Variants in RAPH1 observed in about 807,000 individuals in gnomAD.
RAPH1 encodes the protein Ras association (RalGDS/AF-6) and pleckstrin homology domains 1.
RAPH1 carries 18 observed loss-of-function variants against 88.1 expected under a neutral mutation model. That is an observed-to-expected ratio of 0.20 (90% confidence interval 0.14 to 0.30). The LOEUF (loss-of-function observed/expected upper bound fraction) is 0.30, where lower values mean the gene tolerates loss of function less well. Ranked by LOEUF, RAPH1 falls within the 10% of genes least tolerant of loss-of-function variation. The pLI is 1.00. For synonymous variants in RAPH1, 587 were observed against 559.0 expected (o/e 1.05, Z -0.71); for missense variants, 1,448 against 1,543.2 (o/e 0.94, Z 1.03).
chr2:203,518,247 G>A (rs1394749007), intron 1 of RAPH1, among the ~76,000 whole-genome samples: 1 of 152,138 alleles, frequency 6.6e-6, no homozygotes, highest in Non-Finnish European at 1.5e-5. Context: ...TGGGCACAGT[G>A]GTGCACACTT....
intron 2 of RAPH1, among the ~76,000 whole-genome samples, chr2:203,493,986 A>G (rs1461168708): frequency 3.3e-5 from 5 of 150,254 alleles, no homozygotes; most frequent in South Asian, 2.1e-4. Flanking sequence ...AAAAAAAAAA[A>G]AAAAAAAAAA....
At chr2:203,512,098 T>C (rs563284942) in intron 1 of RAPH1, among the ~76,000 whole-genome samples, 40 of 149,806 alleles carry the variant, frequency 2.7e-4, no homozygotes, top group African/African-American at 9.8e-4. Context: ...GGTGACAGAG[T>C]GAGACTCCGT....
chr2:203,525,470 A>G (rs1690072886), intron 1 of RAPH1, among the ~76,000 whole-genome samples: 1 of 152,058 alleles, frequency 6.6e-6, no homozygotes, highest in Non-Finnish European at 1.5e-5. Flanking sequence ...GGTGTGAGCC[A>G]CCATGCCTGG....
chr2:203,470,283 G>T, intron 4 of RAPH1: 1 of 1,612,318 alleles, frequency 6.2e-7, no homozygotes, highest in Non-Finnish European at 8.5e-7. Flanking sequence ...TTTCTCAGAA[G>T]AAGGGAGGTT....
rs150007963 is a variant in RAPH1, at chr2:203,502,995, C to T, written c.1-7642G>A. ...TCTCTACTAAAAATACAAAAATTAGCTGGATGTAGTGGCTGGCAGGCACCT... is the reference window on the plus strand; with the variant it reads ...TCTCTACTAAAAATACAAAAATTAGTTGGATGTAGTGGCTGGCAGGCACCT... On this transcript the variant is annotated intron_variant, in intron 1 of 13. Transcript: ENST00000319170. 8.6e-3 allele frequency among the ~76,000 whole-genome samples: 1,297 copies of T among 151,516 alleles called. 14 individuals are homozygous for T. The highest frequency in any genetic ancestry group is 0.03 in the African/African-American group (1,250 of 41,278).
intron 4 of RAPH1, among the ~76,000 whole-genome samples, chr2:203,469,749 G>A (rs1295349434): frequency 6.6e-6 from 1 of 151,940 alleles, no homozygotes; most frequent in African/African-American, 2.4e-5. Context: ...GCAGAGAACC[G>A]GGCAATTAAA....
intron 1 of RAPH1, among the ~76,000 whole-genome samples, chr2:203,505,754 A>G (rs1411286144): frequency 6.6e-6 from 1 of 152,234 alleles, no homozygotes; most frequent in Non-Finnish European, 1.5e-5. Context: ...GCTGTGAGAC[A>G]GTAAATTTCT....
chr2:203,459,845 T>C, intron 7 of RAPH1, 62 bp downstream of exon 7: 2 of 1,530,644 alleles, frequency 1.3e-6, no homozygotes, highest in Non-Finnish European at 1.8e-6. Context: ...AACTTAGCAG[T>C]AATCGAATAA....
rs538076172 is a variant in RAPH1 at position 203,509,887 on chromosome 2, G to A, written c.1-14534C>T. 2.5e-4 allele frequency among the ~76,000 whole-genome samples: 38 copies of A among 151,880 alleles called. 1 individual carries two copies. The highest frequency in any genetic ancestry group is 4.9e-4 in the Non-Finnish European group (33 of 67,992). ...TCCCCCCTACTCTTGCCCCTGCTCC[G>A]GCCATGTCACCTGCCTTGTTCCCCC... On this transcript the variant is annotated intron_variant, in intron 1 of 13. Transcript: ENST00000319170.
intron 2 of RAPH1, 42 bp downstream of exon 2, chr2:203,495,192 G>A: frequency 6.2e-7 from 1 of 1,610,442 alleles, no homozygotes; most frequent in East Asian, 2.2e-5. Context: ...TTAACACAAT[G>A]GTGACTTCAA....
intron 4 of RAPH1, among the ~76,000 whole-genome samples, chr2:203,476,316 A>G (rs937870911): frequency 6.6e-6 from 1 of 152,010 alleles, no homozygotes; most frequent in Non-Finnish European, 1.5e-5. Context: ...GATTACAGGC[A>G]TGTGCCACCA....
At chr2:203,528,868 C>A (rs1690243644) in intron 1 of RAPH1, among the ~76,000 whole-genome samples, 1 of 150,380 alleles carries the variant, frequency 6.6e-6, no homozygotes, top group Admixed American at 6.7e-5. Context: ...AAATAATTAT[C>A]CTTTATAAAG....
intron 1 of RAPH1, among the ~76,000 whole-genome samples, chr2:203,518,703 C>G (rs1195861172): frequency 1.3e-5 from 2 of 151,938 alleles, no homozygotes; most frequent in Non-Finnish European, 2.9e-5. Context: ...TAAAAATTAG[C>G]TGAGTATGAT....
chr2:203,441,372 C>A lies in RAPH1; in HGVS notation c.1818G>T (p.Val606=). Residue 606 remains valine (V), a synonymous_variant, in exon 14 of 14, where the codon GTG becomes GTT. Coordinates refer to ENST00000319170, the MANE Select transcript of RAPH1 (RefSeq NM_213589.3). ...TCTTAGGTTGCGGGGATAAAGGGGG[C>A]ACAAGTGAAGTGTAGGGCCGATTCA... ...ESMNRPYTSL[V]PPLSPQPKIV... is the part of the protein sequence containing the mutation. 6.4e-7 allele frequency: 1 copy of A among 1,572,864 alleles called. No homozygotes were observed. The highest frequency in any genetic ancestry group is 1.2e-5 in the South Asian group (1 of 82,048).
At chr2:203,498,982 G>C (rs567399862) in intron 1 of RAPH1, among the ~76,000 whole-genome samples, 3 of 152,216 alleles carry the variant, frequency 2.0e-5, no homozygotes, top group African/African-American at 7.2e-5. Flanking sequence ...ACAGGTTGTA[G>C]CCTAGGAGTA....
intron 5 of RAPH1, among the ~76,000 whole-genome samples, 169 bp downstream of exon 5, chr2:203,461,679 T>A (rs1485242834): frequency 6.6e-6 from 1 of 152,248 alleles, no homozygotes; most frequent in Non-Finnish European, 1.5e-5. Flanking sequence ...ACTCCTTTTA[T>A]AATGCATTTT....
intron 1 of RAPH1, among the ~76,000 whole-genome samples, chr2:203,513,893 G>GGACA (rs1249553365): frequency 6.6e-6 from 1 of 151,314 alleles, no homozygotes; most frequent in Non-Finnish European, 1.5e-5. Context: ...CGCCCAGGCT[G>GGACA]GAGTGCAGTG....
intron 7 of RAPH1, among the ~76,000 whole-genome samples, chr2:203,458,849 G>C (rs1020404955): frequency 6.6e-6 from 1 of 151,638 alleles, no homozygotes; most frequent in South Asian, 2.1e-4. Context: ...TGCAAGCTCC[G>C]ACTCCCGGAT....
At position 203,441,133 on chromosome 2, in the gene RAPH1, G is replaced by A. The variant is rs369094825; in HGVS notation, c.2057C>T (p.Pro686Leu). Residue 686 changes from proline to leucine, a missense_variant, in exon 14 of 14, where the codon CCG (proline) becomes CTG (leucine). This residue lies in a region of RAPH1 where 935 missense variants were observed against 890.1 expected (regional missense o/e 1.05). Coordinates refer to ENST00000319170, the MANE Select transcript of RAPH1 (RefSeq NM_213589.3). ...ASQHSGALFK[P>L]PTPPVMQSQS... ...TGACTGCATCACTGGGGGTGTTGGC[G>A]GCTTAAACAGGGCCCCTGAATGCTG... The A allele has an allele frequency of 2.0e-5, 33 of 1,612,558 alleles. No homozygotes were observed. The highest frequency in any genetic ancestry group is 1.2e-4 in the African/African-American group (9 of 74,626).
Sources: gnomAD v4.1 joint callset for allele counts (sites outside exome capture counted in the v4.1 genomes callset) on GRCh38, gnomAD v4.1.1 for gene constraint, gnomAD v4.1.1 regional missense constraint, MANE v1.5 for transcripts, NCBI Gene and HGNC (gene_info 2026-07-23, HGNC 2026-07-21) for gene names.